The following SAMD5 variants were observed in gnomAD, a reference collection of about 807,000 sequenced individuals.
The protein encoded by SAMD5 is sterile alpha motif domain-containing protein 5.
In SAMD5, 13 loss-of-function variants were observed where a neutral mutation model predicts 11.3. The ratio of observed to expected loss-of-function variants is 1.15; its 90% CI spans 0.75 to 1.83. SAMD5 has a LOEUF of 1.83. Among genes scored for constraint, SAMD5 ranks in the 40% most tolerant of loss-of-function variants. The pLI is 0.00. For missense variants in SAMD5, 255 were observed against 239.1 expected, an observed-to-expected ratio of 1.07 and a Z score of -0.44; for synonymous variants, 129 against 111.3, an observed-to-expected ratio of 1.16 and a Z score of -1.00.
chr6:147,639,016 C>G (rs1260422058), intron 1 of SAMD5, among the ~76,000 whole-genome samples: 1 of 152,146 alleles, frequency 6.6e-6, no homozygotes, highest in African/African-American at 2.4e-5. Context: ...TTTGGCTGAC[C>G]TGGGTGAGTT....
At chr6:147,769,813 G>A in the SAMD5 span, among the ~76,000 whole-genome samples, 10 of 152,140 alleles carry the variant, frequency 6.6e-5, no homozygotes, top group African/African-American at 2.4e-4. Flanking sequence ...TTCTTGGTCT[G>A]TCTCAAGAAA....
At chr6:147,843,718 A>G in the SAMD5 span, among the ~76,000 whole-genome samples, 9 of 152,226 alleles carry the variant, frequency 5.9e-5, no homozygotes, top group African/African-American at 2.2e-4. Context: ...ATTTTTTACA[A>G]AGGTGCCAAG....
At chr6:147,594,598 CA>C (rs144746383) in intron 1 of SAMD5, among the ~76,000 whole-genome samples, 5,391 of 152,196 alleles carry the variant, frequency 0.035, 132 homozygotes, top group Middle Eastern at 0.065. Context: ...GTTATGATGA[CA>C]GAAGTTTCCT....
the SAMD5 span, among the ~76,000 whole-genome samples, chr6:147,908,324 C>T: frequency 4.9e-4 from 74 of 152,206 alleles, no homozygotes; most frequent in African/African-American, 1.6e-3. Flanking sequence ...CAGAATCCAA[C>T]GGAACAGGAA....
At chr6:147,791,222 G>T in the SAMD5 span, among the ~76,000 whole-genome samples, 12,393 of 152,132 alleles carry the variant, frequency 0.081, 782 homozygotes, top group African/African-American at 0.17. Flanking sequence ...TTGAACCCGG[G>T]AGGCAGAGGT....
chr6:147,806,316 G>GCA, the SAMD5 span, among the ~76,000 whole-genome samples: 4,791 of 150,426 alleles, frequency 0.032, 119 homozygotes, highest in Non-Finnish European at 0.048. Context: ...GCGCGCGCGC[G>GCA]CGCACACACA....
chr6:147,703,909 A>AT lies in SAMD5; in HGVS notation c.163-33403dup, dbSNP rs1029822344. Among the ~76,000 whole-genome samples the AT allele has an allele frequency of 2.0e-3, 301 of 152,122 alleles. 1 individual carries two copies. Among genetic ancestry groups the AT allele is most frequent in the African/African-American group, 6.7e-3 (279 of 41,504 alleles). The stretch of plus-strand genomic sequence containing the variant: ...ATTTTCTTTTATTATTTATTTATTT[A>AT]TTTTTAGACGGATTCTTGCTCTGAC... On this transcript the variant is annotated intron_variant, in intron 1 of 1. Transcript: ENST00000566741.
the SAMD5 span, among the ~76,000 whole-genome samples, chr6:147,903,843 G>T: frequency 6.6e-6 from 1 of 151,786 alleles, no homozygotes; most frequent in Non-Finnish European, 1.5e-5. Flanking sequence ...AGGAGGTGGA[G>T]GTTGCAGTGA....
the SAMD5 span, among the ~76,000 whole-genome samples, chr6:147,882,091 G>A: frequency 6.6e-6 from 1 of 152,136 alleles, no homozygotes; most frequent in African/African-American, 2.4e-5. Context: ...CTCCTTGCCT[G>A]AGCTGCAAAA....
chr6:147,951,042 T>C, the SAMD5 span, among the ~76,000 whole-genome samples: 1 of 151,406 alleles, frequency 6.6e-6, no homozygotes, highest in Non-Finnish European at 1.5e-5. Flanking sequence ...TGAGAGCAAA[T>C]AGGACTTAAA....
At chr6:147,833,847 C>T in the SAMD5 span, among the ~76,000 whole-genome samples, 1 of 152,090 alleles carries the variant, frequency 6.6e-6, no homozygotes, top group Non-Finnish European at 1.5e-5. Flanking sequence ...TTTATTGATG[C>T]TTCGTTTTTG....
At chr6:147,769,245 A>T in the SAMD5 span, among the ~76,000 whole-genome samples, 33 of 152,238 alleles carry the variant, frequency 2.2e-4, no homozygotes, top group Non-Finnish European at 4.0e-4. Flanking sequence ...ATTTGTCTGA[A>T]AAAGCAGATT....
chr6:147,683,473 A>AC (rs1217335782), intron 1 of SAMD5, among the ~76,000 whole-genome samples: 1 of 152,262 alleles, frequency 6.6e-6, no homozygotes, highest in African/African-American at 2.4e-5. Context: ...AATAACAAAT[A>AC]TATTACATGG....
chr6:147,932,588 TTG>T, the SAMD5 span, among the ~76,000 whole-genome samples: 17,711 of 130,498 alleles, frequency 0.14, 936 homozygotes, highest in Middle Eastern at 0.2. Context: ...TCTTACAGAA[TTG>T]TGTGTGTGTG....
intron 1 of SAMD5, among the ~76,000 whole-genome samples, chr6:147,600,254 C>A (rs1008683248): frequency 2.0e-5 from 3 of 152,164 alleles, no homozygotes; most frequent in African/African-American, 7.2e-5. Flanking sequence ...TGCAGCAGTT[C>A]TCCCTGACCC....
intron 1 of SAMD5, among the ~76,000 whole-genome samples, chr6:147,645,213 T>G (rs766254075): frequency 6.6e-6 from 1 of 152,142 alleles, no homozygotes; most frequent in Non-Finnish European, 1.5e-5. Flanking sequence ...TGATGGCATG[T>G]GCAAGGAGGG....
chr6:147,834,173 A>G, the SAMD5 span, among the ~76,000 whole-genome samples: 2 of 152,238 alleles, frequency 1.3e-5, no homozygotes, highest in African/African-American at 2.4e-5. Flanking sequence ...CAGAGCAGGC[A>G]ACTTACAAAT....
the SAMD5 span, among the ~76,000 whole-genome samples, chr6:147,821,109 G>C: frequency 6.6e-6 from 1 of 152,242 alleles, no homozygotes; most frequent in African/African-American, 2.4e-5. Flanking sequence ...AAGAACGAAT[G>C]AATAACAAAT....
the SAMD5 span, among the ~76,000 whole-genome samples, chr6:147,948,470 G>C: frequency 1.3e-5 from 2 of 152,058 alleles, no homozygotes. Context: ...AATATCTATA[G>C]ACCTTTGTTA....
Sources: gnomAD v4.1 joint callset for allele counts (sites outside exome capture counted in the v4.1 genomes callset) on GRCh38, gnomAD v4.1.1 for gene constraint, MANE v1.5 for transcripts, NCBI Gene and HGNC (gene_info 2026-07-23, HGNC 2026-07-21) for gene names.